VWA3A: variants seen among roughly 807,000 people sequenced by gnomAD.
VWA3A encodes von Willebrand factor A domain-containing protein 3A.
A neutral mutation model predicts 160.4 loss-of-function variants in VWA3A; 134 were observed. That is an observed-to-expected ratio of 0.84 (90% CI 0.73 to 0.96). VWA3A has a LOEUF of 0.96. Among genes scored for constraint, VWA3A ranks in the 40% least tolerant of loss-of-function variants. VWA3A has a pLI of 0.00. For missense variants in VWA3A, 1,310 were observed against 1,447.9 expected (o/e 0.90, Z 1.55); for synonymous variants, 476 against 543.4 (o/e 0.88, Z 1.72).
At chr16:22,117,299 AC>A in intron 11 of VWA3A, 123 bp downstream of exon 11, 2 of 1,042,862 alleles carry the variant, frequency 1.9e-6, no homozygotes, top group South Asian at 3.2e-5. Context: ...CCTTGTCCCC[AC>A]CTGTATTCAA....
intron 11 of VWA3A, among the ~76,000 whole-genome samples, 160 bp from the exon 12 acceptor site, chr16:22,118,742 C>T (rs931380300): frequency 2.6e-5 from 4 of 152,228 alleles, no homozygotes; most frequent in Non-Finnish European, 4.4e-5. Flanking sequence ...CACAGCATGT[C>T]TGCAGGCTCT....
At chr16:22,123,940 C>G (rs2045793324) in intron 16 of VWA3A, among the ~76,000 whole-genome samples, 1 of 151,980 alleles carries the variant, frequency 6.6e-6, no homozygotes, top group Non-Finnish European at 1.5e-5. Flanking sequence ...TTGGGGAGGC[C>G]AAAGCGGGAG....
chr16:22,134,467 C>T (rs748577785), intron 21 of VWA3A, 29 bp downstream of exon 21: 1 of 1,549,666 alleles, frequency 6.5e-7, no homozygotes, highest in Non-Finnish European at 8.7e-7. Context: ...CCAATGACTG[C>T]ACTGCCTTTT....
At chr16:22,128,357 G>A (rs377275499) in intron 17 of VWA3A, among the ~76,000 whole-genome samples, 1 of 152,168 alleles carries the variant, frequency 6.6e-6, no homozygotes, top group East Asian at 1.9e-4. Context: ...GTGTTGAGTG[G>A]GCTTGAGCCA....
chr16:22,093,451 G>A (rs986896955), intron 1 of VWA3A, among the ~76,000 whole-genome samples: 3 of 152,088 alleles, frequency 2.0e-5, no homozygotes, highest in Non-Finnish European at 4.4e-5. Context: ...TTTCATTTGA[G>A]CAAAGGCCTG....
chr16:22,109,197 T>C (rs1365810195), intron 6 of VWA3A, among the ~76,000 whole-genome samples: 1 of 152,166 alleles, frequency 6.6e-6, no homozygotes, highest in African/African-American at 2.4e-5. Context: ...TTCTATAGTC[T>C]CCAGATTTTC....
In VWA3A at chr16:22,146,262, GC is replaced by G; in HGVS notation, c.2760del (p.Arg921GlyfsTer14). On this transcript the variant is annotated frameshift_variant, in exon 27 of 34. Transcript: ENST00000389398. LOFTEE classifies it high-confidence loss of function. ...HGVVRHIQWT[P>X]REMEVYIRHL... ...GAGTGGTGAGACACATCCAGTGGAC[GC>G]CCAGGGAGATGGAGGTGTACATCAG... 1 of 1,613,600 alleles carries G rather than the reference GC, an allele frequency of 6.2e-7. No individual in the cohort carries two copies. Among genetic ancestry groups the G allele is most frequent in the Non-Finnish European group, 8.5e-7 (1 of 1,179,674 alleles).
chr16:22,101,731 G>A (rs1476277511), intron 5 of VWA3A, among the ~76,000 whole-genome samples: 1 of 152,240 alleles, frequency 6.6e-6, no homozygotes, highest in Non-Finnish European at 1.5e-5. Context: ...CCATTTAACT[G>A]TAGAATTTAT....
intron 6 of VWA3A, among the ~76,000 whole-genome samples, chr16:22,104,451 T>G (rs2141849321): frequency 6.6e-6 from 1 of 152,208 alleles, no homozygotes; most frequent in African/African-American, 2.4e-5. Flanking sequence ...ATCACGCCAT[T>G]GCACTCTAGC....
At chr16:22,138,109 A>T (rs1262871347) in intron 21 of VWA3A, among the ~76,000 whole-genome samples, 1 of 152,162 alleles carries the variant, frequency 6.6e-6, no homozygotes, top group African/African-American at 2.4e-5. Flanking sequence ...ACTTGTTGGC[A>T]TGAGGGTTGG....
intron 12 of VWA3A, among the ~76,000 whole-genome samples, chr16:22,120,228 G>T (rs1022117631): frequency 1.3e-5 from 2 of 152,064 alleles, no homozygotes; most frequent in African/African-American, 4.8e-5. Flanking sequence ...CAGGTCTAAG[G>T]CCCAAAACCT....
Position 22,097,668 on chromosome 16 carries a change from A to G in VWA3A, c.198A>G (p.Thr66=), listed in dbSNP as rs1262787396. 1 of 1,551,774 alleles carries G rather than the reference A, an allele frequency of 6.4e-7. No individual in the cohort carries two copies. Among genetic ancestry groups the G allele is most frequent in the East Asian group, 2.4e-5 (1 of 40,928 alleles). Reference sequence around the variant, plus strand: ...ATTCGGACAATGGATTATTGGTTACACATGTTAACCAGACACAGGACTTAC... The same window carrying G: ...ATTCGGACAATGGATTATTGGTTACGCATGTTAACCAGACACAGGACTTAC... The part of the protein sequence containing the change: ...GQNSDNGLLV[T]HVNQTQDLLR... The change falls in exon 3 of 34, where the codon ACA becomes ACG. Residue 66 remains threonine, a synonymous_variant. Transcript: ENST00000389398.
intron 1 of VWA3A, among the ~76,000 whole-genome samples, chr16:22,096,157 C>T (rs149827264): frequency 2.4e-4 from 37 of 152,254 alleles, no homozygotes; most frequent in South Asian, 4.2e-4. Context: ...ATGCATAGGA[C>T]GGCCCCCACA....
At chr16:22,144,114 CT>C (rs1403077871) in intron 25 of VWA3A, 132 bp from the exon 26 acceptor site, 1 of 1,127,446 alleles carries the variant, frequency 8.9e-7, no homozygotes. Flanking sequence ...GATGGATGCT[CT>C]GTGAGGACCT....
At chr16:22,123,768 C>A in intron 16 of VWA3A, 61 bp downstream of exon 16, 26 of 1,458,580 alleles carry the variant, frequency 1.8e-5, no homozygotes, top group Non-Finnish European at 2.5e-5. Flanking sequence ...TGACATTTAT[C>A]CGCCTCATGA....
chr16:22,120,341 A>C (rs1321302531), intron 12 of VWA3A, among the ~76,000 whole-genome samples: 1 of 152,196 alleles, frequency 6.6e-6, no homozygotes, highest in Non-Finnish European at 1.5e-5. Flanking sequence ...TATCTATTTA[A>C]AACTAGCTCA....
chr16:22,154,726 G>A (rs1272609791), intron 31 of VWA3A, among the ~76,000 whole-genome samples: 14 of 150,366 alleles, frequency 9.3e-5, no homozygotes, highest in East Asian at 2.0e-4. Flanking sequence ...ACGCCGAGGC[G>A]GGTGGATCAT....
chr16:22,126,050 G>A, intron 16 of VWA3A, 128 bp from the exon 17 acceptor site: 1 of 1,346,192 alleles, frequency 7.4e-7, no homozygotes, highest in Non-Finnish European at 1.0e-6. Context: ...CCACAGAGAA[G>A]ATTTTGGCCA....
At chr16:22,118,813 G>T (rs577587811) in intron 11 of VWA3A, 89 bp from the exon 12 acceptor site, 2 of 1,552,964 alleles carry the variant, frequency 1.3e-6, no homozygotes, top group East Asian at 2.2e-5. Context: ...CTCTGCCTGG[G>T]CATTGGCCTG....
Sources: allele counts gnomAD v4.1 joint callset (sites outside exome capture counted in the v4.1 genomes callset), GRCh38; gene constraint gnomAD v4.1.1; transcripts MANE v1.5; gene names NCBI Gene and HGNC (gene_info 2026-07-23, HGNC 2026-07-21).